CDH8: variants seen among roughly 807,000 people sequenced by gnomAD.
The protein encoded by CDH8 is cadherin-8.
In CDH8, 17 loss-of-function variants were observed where a neutral mutation model predicts 68.1. That is an observed-to-expected ratio of 0.25 (90% CI 0.17 to 0.37). CDH8 has a LOEUF of 0.37. CDH8 is among the 10% of genes least tolerant of loss of function. CDH8 has a pLI of 1.00. For synonymous variants in CDH8, 372 were observed against 365.1 expected (o/e 1.02, Z -0.21); for missense variants, 763 against 999.3 (o/e 0.76, Z 3.19).
intron 2 of CDH8, among the ~76,000 whole-genome samples, chr16:61,980,574 T>C (rs1243265920): frequency 1.3e-5 from 2 of 152,208 alleles, no homozygotes; most frequent in African/African-American, 2.4e-5. Flanking sequence ...AGGTCAGTTA[T>C]GATGAATCCC....
At chr16:62,031,567 G>T (rs531788161) in intron 1 of CDH8, among the ~76,000 whole-genome samples, 2 of 152,154 alleles carry the variant, frequency 1.3e-5, no homozygotes, top group South Asian at 4.2e-4. Flanking sequence ...AAAACTGTTT[G>T]AAGGTTCCAA....
intron 10 of CDH8, 83 bp from the exon 11 acceptor site, chr16:61,655,804 C>T (rs1963433829): frequency 8.2e-7 from 1 of 1,222,224 alleles, no homozygotes; most frequent in Non-Finnish European, 1.2e-6. Flanking sequence ...TTCATGAACC[C>T]TTTGCAAACC....
At chr16:61,818,423 A>G (rs1366697284) in intron 6 of CDH8, among the ~76,000 whole-genome samples, 1 of 152,184 alleles carries the variant, frequency 6.6e-6, no homozygotes, top group Non-Finnish European at 1.5e-5. Context: ...ACTTGTGTTT[A>G]TATTTAGAAG....
chr16:62,022,851 CA>C (rs1176745866), intron 1 of CDH8, among the ~76,000 whole-genome samples: 1 of 152,124 alleles, frequency 6.6e-6, no homozygotes, highest in African/African-American at 2.4e-5. Flanking sequence ...ACAAGATGGC[CA>C]GTAGAATCAC....
chr16:61,984,203 C>T (rs1336880823), intron 2 of CDH8, among the ~76,000 whole-genome samples: 1 of 152,098 alleles, frequency 6.6e-6, no homozygotes, highest in African/African-American at 2.4e-5. Context: ...CAGGCGTTAG[C>T]CACCATGCCC....
At chr16:61,878,340 G>T (rs1377835805) in intron 3 of CDH8, among the ~76,000 whole-genome samples, 1 of 152,156 alleles carries the variant, frequency 6.6e-6, no homozygotes, top group Non-Finnish European at 1.5e-5. Context: ...TACCTTAAAA[G>T]TGGTTGTTAT....
At position 61,857,161 on chromosome 16, in the gene CDH8, T is replaced by C. The variant is rs201669666; in HGVS notation, c.625A>G (p.Ile209Val). 4 of 1,613,586 alleles carry C rather than the reference T, an allele frequency of 2.5e-6. No individual in the cohort carries two copies. Among genetic ancestry groups the C allele is most frequent in the East Asian group, 2.2e-5 (1 of 44,830 alleles). The change falls in exon 4 of 12, where the codon ATA (isoleucine) becomes GTA (valine). Residue 209 changes from isoleucine (I) to valine (V), a missense_variant. Coordinates refer to ENST00000577390, the MANE Select transcript of CDH8 (RefSeq NM_001796.5). Reference sequence around the variant, plus strand: ...GAAAAATAAGGCTGCCCTTCCAATATACTATAAACCAACTTTGCACTGTTT... The same window carrying C: ...GAAAAATAAGGCTGCCCTTCCAATACACTATAAACCAACTTTGCACTGTTT... The part of the protein sequence containing the change: ...YGNSAKLVYS[I>V]LEGQPYFSIE...
At chr16:61,967,212 G>A (rs990594687) in intron 2 of CDH8, among the ~76,000 whole-genome samples, 6 of 152,104 alleles carry the variant, frequency 3.9e-5, no homozygotes, top group Admixed American at 3.9e-4. Context: ...AAAAAATAAA[G>A]AGAAGAGGAA....
chr16:61,918,868 C>A (rs1012127164), intron 2 of CDH8, among the ~76,000 whole-genome samples: 7 of 151,030 alleles, frequency 4.6e-5, no homozygotes, highest in African/African-American at 1.7e-4. Flanking sequence ...GGGCAGGGCA[C>A]AGACAAACAA....
rs201714823 is a variant in CDH8, at chr16:61,653,693, T to C, written c.2315A>G (p.Asn772Ser). Residue 772 changes from asparagine to serine, a missense_variant, in exon 12 of 12, where the codon AAT (asparagine) becomes AGT (serine). Asn to Ser is a conservative substitution (Grantham distance 46). Transcript: ENST00000577390. ...LESTTSDSDQ[N>S]FDYLSDWGPR... is the part of the protein sequence containing the mutation. ...ACCCCAGTCACTGAGGTAGTCAAAA[T>C]TCTGGTCTGAGTCTGATGTGGTGGA... 1.2e-6 allele frequency: 2 copies of C among 1,614,184 alleles called. No individual in the cohort carries two copies. The highest frequency in any genetic ancestry group is 1.7e-6 in the Non-Finnish European group (2 of 1,180,026).
chr16:61,801,172 T>C (rs1005809020), intron 7 of CDH8, among the ~76,000 whole-genome samples: 1 of 152,212 alleles, frequency 6.6e-6, no homozygotes, highest in Admixed American at 6.5e-5. Flanking sequence ...CTCAAGATTC[T>C]TGTGCAATCT....
intron 2 of CDH8, among the ~76,000 whole-genome samples, chr16:61,928,667 C>T (rs1346110975): frequency 1.3e-5 from 2 of 152,142 alleles, no homozygotes; most frequent in African/African-American, 4.8e-5. Flanking sequence ...AAATGGAAAT[C>T]ACACTTTATT....
At chr16:61,961,321 A>AT (rs906679977) in intron 2 of CDH8, among the ~76,000 whole-genome samples, 14 of 152,246 alleles carry the variant, frequency 9.2e-5, no homozygotes, top group African/African-American at 3.4e-4. Context: ...TCTCAAAAAA[A>AT]AAAAGAACAT....
At chr16:61,981,661 T>C (rs1166674593) in intron 2 of CDH8, among the ~76,000 whole-genome samples, 1 of 151,466 alleles carries the variant, frequency 6.6e-6, no homozygotes, top group Non-Finnish European at 1.5e-5. Flanking sequence ...TGTGTGTGTG[T>C]GTGTGTGTGT....
At chr16:61,935,468 A>G (rs1174609424) in intron 2 of CDH8, among the ~76,000 whole-genome samples, 1 of 152,168 alleles carries the variant, frequency 6.6e-6, no homozygotes, top group African/African-American at 2.4e-5. Flanking sequence ...GGACTTTAAT[A>G]ATATAGTATT....
chr16:61,967,151 T>A (rs149288138), intron 2 of CDH8, among the ~76,000 whole-genome samples: 9 of 152,138 alleles, frequency 5.9e-5, no homozygotes, highest in Non-Finnish European at 1.2e-4. Flanking sequence ...CAGTAAGATA[T>A]GGCTGTGCCA....
chr16:61,702,379 G>GAAAAAAA (rs200454525), intron 10 of CDH8, among the ~76,000 whole-genome samples: 2 of 126,426 alleles, frequency 1.6e-5, no homozygotes. Context: ...CTCAAAAAAA[G>GAAAAAAA]AAAAAAAAAA....
Position 61,953,195 on chromosome 16 carries a change from T to C in CDH8, c.253-51722A>G, listed in dbSNP as rs1964924169. Among the ~76,000 whole-genome samples, 3 of 152,134 alleles carry C rather than the reference T, an allele frequency of 2.0e-5. No individual in the cohort carries two copies. In the South Asian group the frequency reaches 6.2e-4, roughly 32 times the overall value. On this transcript the variant is annotated intron_variant, in intron 2 of 11. Coordinates refer to ENST00000577390, the MANE Select transcript of CDH8 (RefSeq NM_001796.5). The stretch of plus-strand genomic sequence containing the variant: ...CACCAAATGTGTTGGTGCCCAGATC[T>C]TGGACTTCCCAGGCAGCCTGAACTG...
chr16:61,677,682 C>T (rs1010747349), intron 10 of CDH8, among the ~76,000 whole-genome samples: 2 of 151,998 alleles, frequency 1.3e-5, no homozygotes, highest in Admixed American at 6.6e-5. Context: ...TAATACCAGC[C>T]AGTCCCAGCT....
Sources: gnomAD v4.1 joint callset for allele counts (sites outside exome capture counted in the v4.1 genomes callset) on GRCh38, gnomAD v4.1.1 for gene constraint, MANE v1.5 for transcripts, NCBI Gene and HGNC (gene_info 2026-07-23, HGNC 2026-07-21) for gene names.